Variants in CCDC171 observed in about 807,000 individuals in gnomAD.
CCDC171 encodes the protein coiled-coil domain-containing protein 171.
CCDC171 carries 177 observed loss-of-function variants against 168.2 expected under a neutral mutation model. The observed-to-expected ratio is 1.05, with a 90% confidence interval of 0.93 to 1.19. The LOEUF (loss-of-function observed/expected upper bound fraction) is 1.19. Ranked by LOEUF, CCDC171 falls within the 50% of genes most tolerant of loss-of-function variation. The probability of loss-of-function intolerance (pLI) is 0.00; values close to 1 mark genes in which losing one functional copy is unlikely to be tolerated. For missense variants in CCDC171, 1,991 were observed against 1,539.0 expected (o/e 1.29, Z -4.91); for synonymous variants, 687 against 540.8 (o/e 1.27, Z -3.75).
intron 6 of CCDC171, among the ~76,000 whole-genome samples, chr9:15,601,894 A>G (rs1013924574): frequency 6.6e-6 from 1 of 152,234 alleles, no homozygotes; most frequent in Non-Finnish European, 1.5e-5. Flanking sequence ...AAATATGTGG[A>G]TGATGTGATT....
intron 25 of CCDC171, among the ~76,000 whole-genome samples, chr9:15,923,936 A>G (rs1360028913): frequency 1.3e-5 from 2 of 151,366 alleles, no homozygotes; most frequent in African/African-American, 4.8e-5. Flanking sequence ...CATTCCAGTG[A>G]GAAGGATGGG....
intron 21 of CCDC171, among the ~76,000 whole-genome samples, chr9:15,806,575 T>G (rs56401042): frequency 6.6e-6 from 1 of 151,972 alleles, no homozygotes; most frequent in South Asian, 2.1e-4. Flanking sequence ...AATCTGTTCT[T>G]GCTTGTACAG....
At chr9:16,060,266 G>C (rs754564897) in intron 1 of CCDC171, among the ~76,000 whole-genome samples, 1 of 152,162 alleles carries the variant, frequency 6.6e-6, no homozygotes, top group Non-Finnish European at 1.5e-5. Flanking sequence ...TGTCAGTACC[G>C]ATGCTGAGAC....
chr9:16,000,177 G>A (rs1036577833), intron 3 of CCDC171, among the ~76,000 whole-genome samples: 52 of 152,122 alleles, frequency 3.4e-4, no homozygotes, highest in African/African-American at 1.2e-3. Context: ...CCTCCTCATT[G>A]TGAAATCCAA....
rs191286603 is a variant in CCDC171 at position 16,033,609 on chromosome 9, A to G, written n.999-1848A>G. Among the ~76,000 whole-genome samples, 3 of 152,308 alleles carry G rather than the reference A, an allele frequency of 2.0e-5. No homozygotes were observed. In the East Asian group the frequency reaches 5.8e-4, roughly 29 times the overall value. ...GTGAGTTGTATAATTATTTCATTAT[A>G]TATTACAATGTAACAATAATAGAAA... On this transcript the variant is annotated intron_variant and non_coding_transcript_variant, in intron 6 of 9. Transcript: ENST00000486641.
At position 15,941,742 on chromosome 9, in the gene CCDC171, C is replaced by T. The variant is rs1017344428; in HGVS notation, c.3753+21320C>T. ...GCCTGAAATGCTCTCTTTTAACTAG[C>T]CATTTAGAAACAACATACTCAATAT... On this transcript the variant is annotated intron_variant, in intron 25 of 25. Coordinates refer to ENST00000380701, the MANE Select transcript of CCDC171 (RefSeq NM_173550.4). 7.1e-4 allele frequency among the ~76,000 whole-genome samples: 108 copies of T among 151,806 alleles called. 1 individual carries two copies. The highest frequency in any genetic ancestry group is 2.4e-3 in the African/African-American group (99 of 41,364).
intron 24 of CCDC171, among the ~76,000 whole-genome samples, chr9:15,913,313 C>A (rs1589107894): frequency 6.6e-6 from 1 of 152,172 alleles, no homozygotes; most frequent in Non-Finnish European, 1.5e-5. Flanking sequence ...AGTTTATTTG[C>A]ATAGGGGTAT....
intron 4 of CCDC171, among the ~76,000 whole-genome samples, chr9:15,580,898 C>G (rs188189514): frequency 3.3e-5 from 5 of 152,186 alleles, no homozygotes; most frequent in Non-Finnish European, 5.9e-5. Context: ...TCTCACCACT[C>G]CTAGTCAACA....
rs554136483 is a variant in CCDC171 at position 15,914,195 on chromosome 9, TTCAGAGCTGACA to T, written c.3601-6074_3601-6063del. The stretch of plus-strand genomic sequence containing the variant: ...CTGTGCTGGGAGATCTGCTGCTCTC[TTCAGAGCTGACA>T]GGCAGGAACGTTTAAGTCTGCTGAA... On this transcript the variant is annotated intron_variant, in intron 24 of 25. Coordinates refer to ENST00000380701, the MANE Select transcript of CCDC171 (RefSeq NM_173550.4). Among the ~76,000 whole-genome samples the T allele has an allele frequency of 1.7e-3, 258 of 152,300 alleles. 1 individual carries two copies. The highest frequency in any genetic ancestry group is 5.6e-3 in the African/African-American group (231 of 41,580).
intron 11 of CCDC171, among the ~76,000 whole-genome samples, chr9:15,709,053 A>G (rs924426288): frequency 1.2e-4 from 19 of 152,348 alleles, no homozygotes; most frequent in Non-Finnish European, 1.5e-4. Context: ...TACCTGGTAC[A>G]TTTAGAACAG....
At chr9:15,662,492 T>G (rs1014220005) in intron 8 of CCDC171, among the ~76,000 whole-genome samples, 8 of 152,152 alleles carry the variant, frequency 5.3e-5, no homozygotes, top group Non-Finnish European at 1.2e-4. Flanking sequence ...TCCGTAACTT[T>G]TCTCTGAATT....
intron 25 of CCDC171, among the ~76,000 whole-genome samples, chr9:15,935,841 C>G (rs1486671068): frequency 1.3e-5 from 2 of 151,908 alleles, no homozygotes; most frequent in Non-Finnish European, 2.9e-5. Flanking sequence ...AAGGCAAAAG[C>G]CTTAGTTAAT....
chr9:16,065,533 A>G (rs963992955), downstream of CCDC171, among the ~76,000 whole-genome samples: 1 of 152,192 alleles, frequency 6.6e-6, no homozygotes, highest in Non-Finnish European at 1.5e-5. Context: ...GTGGAGGAAG[A>G]GTTACAAAGC....
chr9:15,799,528 A>G (rs1054286488), intron 21 of CCDC171, among the ~76,000 whole-genome samples: 1 of 151,966 alleles, frequency 6.6e-6, no homozygotes, highest in Non-Finnish European at 1.5e-5. Flanking sequence ...GGGGTACATG[A>G]GATATTTTTA....
chr9:15,983,941 A>G (rs2987016), intron 3 of CCDC171, among the ~76,000 whole-genome samples: 74,862 of 151,468 alleles, frequency 0.49, 19,842 homozygotes, highest in African/African-American at 0.7. Context: ...CAGAAACTCT[A>G]CTAAAAACCA....
intron 21 of CCDC171, among the ~76,000 whole-genome samples, chr9:15,817,029 C>T (rs900847141): frequency 8.5e-6 from 1 of 117,612 alleles, no homozygotes; most frequent in African/African-American, 3.2e-5. Context: ...TGTGTATTTC[C>T]TTAAGGCTGT....
chr9:15,558,132 T>C (rs1161869864), intron 1 of CCDC171, among the ~76,000 whole-genome samples: 2 of 152,156 alleles, frequency 1.3e-5, no homozygotes, highest in South Asian at 2.1e-4. Flanking sequence ...CTGCTGGATT[T>C]GGTTTGCCAG....
chr9:15,863,408 A>C (rs2061643176), intron 23 of CCDC171, among the ~76,000 whole-genome samples: 1 of 151,962 alleles, frequency 6.6e-6, no homozygotes, highest in South Asian at 2.1e-4. Flanking sequence ...GGGGAAGGAG[A>C]GTCCAGGGTT....
At chr9:15,740,035 C>G (rs1184953491) in intron 16 of CCDC171, among the ~76,000 whole-genome samples, 1 of 152,070 alleles carries the variant, frequency 6.6e-6, no homozygotes, top group Non-Finnish European at 1.5e-5. Context: ...CCGTGCCTGG[C>G]CCTCCAATGT....
Sources: gnomAD v4.1 joint callset for allele counts (sites outside exome capture counted in the v4.1 genomes callset) on GRCh38, gnomAD v4.1.1 for gene constraint, MANE v1.5 for transcripts, NCBI Gene and HGNC (gene_info 2026-07-23, HGNC 2026-07-21) for gene names.